NAALADL2: variants seen among roughly 807,000 people sequenced by gnomAD.
NAALADL2 encodes the protein N-acetylated alpha-linked acidic dipeptidase like 2, also known as inactive N-acetylated-alpha-linked acidic dipeptidase-like protein 2.
NAALADL2 carries 76 observed loss-of-function variants against 87.2 expected under a neutral mutation model. That is an observed-to-expected ratio of 0.87 (90% CI 0.72 to 1.05). NAALADL2 has a LOEUF of 1.05. Among genes scored for constraint, NAALADL2 ranks in the 50% least tolerant of loss-of-function variants. The pLI, the probability that NAALADL2 is intolerant of heterozygous loss-of-function variation, is 0.00. For missense variants in NAALADL2, 1,089 were observed against 945.8 expected, an observed-to-expected ratio of 1.15 and a Z score of -1.99; for synonymous variants, 354 against 331.0, an observed-to-expected ratio of 1.07 and a Z score of -0.75.
intron 4 of NAALADL2, among the ~76,000 whole-genome samples, chr3:175,271,771 G>A (rs1752881575): frequency 1.3e-5 from 2 of 152,080 alleles, no homozygotes; most frequent in Non-Finnish European, 2.9e-5. Flanking sequence ...CTCCTGCCTG[G>A]GTGACAGAGT....
intron 2 of NAALADL2, among the ~76,000 whole-genome samples, chr3:174,664,678 A>G (rs1390109561): frequency 1.3e-5 from 2 of 152,068 alleles, no homozygotes; most frequent in African/African-American, 4.8e-5. Flanking sequence ...TGGTCTGAAC[A>G]TTTAGTTTCT....
intron 9 of NAALADL2, among the ~76,000 whole-genome samples, chr3:175,529,603 G>T (rs1411884047): frequency 6.6e-6 from 1 of 152,130 alleles, no homozygotes; most frequent in East Asian, 1.9e-4. Context: ...CAGTGTAATT[G>T]TAATTTCAAA....
At chr3:175,495,473 A>T (rs1170665854) in intron 9 of NAALADL2, among the ~76,000 whole-genome samples, 1 of 152,044 alleles carries the variant, frequency 6.6e-6, no homozygotes, top group African/African-American at 2.4e-5. Context: ...CTTTCAACTT[A>T]CTTCTAGGTT....
intron 5 of NAALADL2, among the ~76,000 whole-genome samples, chr3:175,334,065 A>G (rs1761713636): frequency 6.6e-6 from 1 of 152,134 alleles, no homozygotes; most frequent in African/African-American, 2.4e-5. Context: ...ACACAGTACA[A>G]TGTTTTAGGC....
At chr3:174,703,274 G>A (rs1283678101) in intron 2 of NAALADL2, among the ~76,000 whole-genome samples, 2 of 151,446 alleles carry the variant, frequency 1.3e-5, no homozygotes, top group Admixed American at 1.3e-4. Flanking sequence ...TGAGTAGCTA[G>A]GATGACAGGC....
At chr3:175,190,834 C>T (rs1167188075) in intron 2 of NAALADL2, among the ~76,000 whole-genome samples, 6 of 151,630 alleles carry the variant, frequency 4.0e-5, no homozygotes, top group Middle Eastern at 3.2e-3. Flanking sequence ...AAAAATTAGC[C>T]GGGCGTGGTG....
intron 2 of NAALADL2, among the ~76,000 whole-genome samples, chr3:174,654,060 T>TTGTGTG (rs137877260): frequency 0.012 from 1,703 of 144,042 alleles, 20 homozygotes; most frequent in Middle Eastern, 0.04. Context: ...TAAGATGGCT[T>TTGTGTG]TGTGTGTGTG....
intron 11 of NAALADL2, among the ~76,000 whole-genome samples, chr3:175,631,668 A>G (rs1727786563): frequency 6.6e-6 from 1 of 151,964 alleles, no homozygotes; most frequent in African/African-American, 2.4e-5. Flanking sequence ...TCCTATAATT[A>G]CATTAAAATT....
chr3:175,444,947 C>T (rs762621218), intron 5 of NAALADL2, among the ~76,000 whole-genome samples: 8 of 152,100 alleles, frequency 5.3e-5, no homozygotes, highest in Non-Finnish European at 7.4e-5. Flanking sequence ...AGGAAACACT[C>T]GTGTAACATA....
intron 5 of NAALADL2, among the ~76,000 whole-genome samples, chr3:175,438,760 C>T (rs1439944745): frequency 6.6e-6 from 1 of 151,974 alleles, no homozygotes; most frequent in African/African-American, 2.4e-5. Flanking sequence ...AATTTTTATC[C>T]TTGCACCACC....
At chr3:175,372,522 A>G (rs2148954941) in intron 5 of NAALADL2, among the ~76,000 whole-genome samples, 1 of 152,346 alleles carries the variant, frequency 6.6e-6, no homozygotes, top group South Asian at 2.1e-4. Flanking sequence ...GGTTGCTGAT[A>G]AAGGCTGAAG....
chr3:174,628,597 T>C (rs1400401594), intron 2 of NAALADL2, among the ~76,000 whole-genome samples: 1 of 152,196 alleles, frequency 6.6e-6, no homozygotes, highest in Non-Finnish European at 1.5e-5. Flanking sequence ...TTCCAAATGT[T>C]TCTTGCTTTT....
intron 1 of NAALADL2, among the ~76,000 whole-genome samples, chr3:175,016,034 T>G (rs1258354443): frequency 6.6e-6 from 1 of 151,688 alleles, no homozygotes; most frequent in Non-Finnish European, 1.5e-5. Flanking sequence ...CAGGAACTCA[T>G]CTACATTTTA....
intron 9 of NAALADL2, among the ~76,000 whole-genome samples, chr3:175,529,350 C>T (rs991785586): frequency 8.5e-5 from 13 of 152,174 alleles, no homozygotes. Flanking sequence ...GCATTCCTCC[C>T]TCTGGAACTA....
chr3:175,096,238 T>A (rs1721134299), intron 1 of NAALADL2, among the ~76,000 whole-genome samples: 1 of 152,130 alleles, frequency 6.6e-6, no homozygotes, highest in South Asian at 2.1e-4. Context: ...AATTCATACT[T>A]CATTTAGTTG....
intron 2 of NAALADL2, among the ~76,000 whole-genome samples, chr3:175,129,737 T>C (rs1727520559): frequency 6.6e-6 from 1 of 152,208 alleles, no homozygotes. Context: ...GACATTTAGG[T>C]CGTTCCCATA....
At chr3:174,531,053 C>T (rs578233408) in intron 1 of NAALADL2, among the ~76,000 whole-genome samples, 2 of 152,086 alleles carry the variant, frequency 1.3e-5, no homozygotes, top group Admixed American at 6.5e-5. Context: ...AGCATTAGGA[C>T]AAATATACAA....
intron 13 of NAALADL2, among the ~76,000 whole-genome samples, chr3:175,763,111 T>TAAATAAATAAATAAATAAATAAAA (rs528831785): frequency 6.6e-6 from 1 of 150,976 alleles, no homozygotes; most frequent in African/African-American, 2.4e-5. Flanking sequence ...AATAAATAAA[T>TAAATAAATAAATAAATAAATAAAA]AGTAAATAAA....
At chr3:175,769,002 A>T (rs1342709865) in intron 13 of NAALADL2, among the ~76,000 whole-genome samples, 1 of 152,146 alleles carries the variant, frequency 6.6e-6, no homozygotes, top group East Asian at 1.9e-4. Flanking sequence ...GATATTTAAT[A>T]TTTGCTATTA....
Sources: gnomAD v4.1 joint callset for allele counts (sites outside exome capture counted in the v4.1 genomes callset) on GRCh38, gnomAD v4.1.1 for gene constraint, MANE v1.5 for transcripts, NCBI Gene and HGNC (gene_info 2026-07-23, HGNC 2026-07-21) for gene names.